Variants in ASXL1 observed in about 807,000 individuals in gnomAD.
ASXL1 encodes the protein ASXL transcriptional regulator 1.
In ASXL1, 65 loss-of-function variants were observed where a neutral mutation model predicts 89.1. That is an observed-to-expected ratio of 0.73 (90% CI 0.60 to 0.90). ASXL1 has a LOEUF of 0.90. Among genes scored for constraint, ASXL1 ranks in the 40% least tolerant of loss-of-function variants. ASXL1 has a pLI of 0.00. For synonymous variants in ASXL1, 739 were observed against 746.9 expected (o/e 0.99, Z 0.17); for missense variants, 1,786 against 1,942.9 (o/e 0.92, Z 1.52).
intron 1 of ASXL1, among the ~76,000 whole-genome samples, chr20:32,362,529 G>T (rs185885597): frequency 1.4e-3 from 214 of 152,280 alleles, no homozygotes; most frequent in African/African-American, 4.9e-3. Context: ...CCAGCTACTC[G>T]GGAGGCTGAG....
chr20:32,421,459 A>T (rs754308890), intron 4 of ASXL1, among the ~76,000 whole-genome samples: 18 of 149,762 alleles, frequency 1.2e-4, no homozygotes, highest in Non-Finnish European at 2.1e-4. Flanking sequence ...TGGGAGTATA[A>T]TTTTTTTTTT....
chr20:32,414,794 C>T (rs1024972119), intron 4 of ASXL1, among the ~76,000 whole-genome samples: 6 of 152,042 alleles, frequency 3.9e-5, no homozygotes, highest in Non-Finnish European at 7.4e-5. Flanking sequence ...TTTAGGGGAT[C>T]CTCCTGTTAT....
chr20:32,406,286 AC>A (rs1220080605), intron 4 of ASXL1, among the ~76,000 whole-genome samples: 2 of 151,862 alleles, frequency 1.3e-5, no homozygotes, highest in African/African-American at 4.8e-5. Flanking sequence ...AGTGGCTTAC[AC>A]CTGTAATCCC....
chr20:32,427,023 T>TGA (rs2011331816), intron 4 of ASXL1: 1 of 152,148 alleles, frequency 6.6e-6, no homozygotes, highest in South Asian at 2.1e-4. Context: ...AATCATGACT[T>TGA]TATCAACTCT....
intron 4 of ASXL1, among the ~76,000 whole-genome samples, chr20:32,395,328 T>C (rs961920457): frequency 2.0e-5 from 3 of 152,214 alleles, no homozygotes; most frequent in African/African-American, 7.2e-5. Context: ...AAGATGTTGC[T>C]CCACTGTCTC....
At chr20:32,384,547 T>G (rs976278046) in intron 4 of ASXL1, among the ~76,000 whole-genome samples, 2 of 152,198 alleles carry the variant, frequency 1.3e-5, no homozygotes, top group African/African-American at 4.8e-5. Context: ...AAAAGGTTCC[T>G]TCTTTGACTA....
rs1418949221 is a variant in ASXL1 at position 32,435,495 on chromosome 20, A to G, written c.2783A>G (p.Glu928Gly). The G allele has an allele frequency of 6.2e-7, 1 of 1,614,044 alleles. No individual in the cohort carries two copies. Among genetic ancestry groups the G allele is most frequent in the Non-Finnish European group, 8.5e-7 (1 of 1,180,028 alleles). Residue 928 changes from glutamate (E) to glycine (G), a missense_variant, in exon 13 of 13, where the codon GAG becomes GGG. Physicochemically the swap from Glu to Gly is moderately conservative, Grantham distance 98. Coordinates refer to ENST00000375687, the MANE Select transcript of ASXL1 (RefSeq NM_015338.6). ...CCATCTGTTGAGCCCCAGGTTGGAG[A>G]GGAGTGGGAGAAAGCTGCTCCCACC... ...HIPSVEPQVG[E>G]EWEKAAPTPP...
In ASXL1 at chr20:32,432,764, A is replaced by G. The variant is rs6057580; in HGVS notation, c.980-116A>G. The G allele has an allele frequency of 1.7e-3, 2,102 of 1,270,226 alleles. 22 individuals carry two copies. The African/African-American group carries it at 0.023, about 14-fold the overall frequency. 78.7% of individuals were successfully genotyped at this position (1,270,226 alleles called of 1,614,324 possible). A position where few individuals can be genotyped will look rare whatever the true frequency, so the allele number is the denominator to read the frequency against. On this transcript the variant is annotated intron_variant, in intron 10 of 12. Transcript: ENST00000375687. ...TTAGCTCTGTCCCTATAAGAGCATG[A>G]TGTGAGAGAGCCTTTAGAAGAGACG...
chr20:32,414,339 A>T, intron 4 of ASXL1, among the ~76,000 whole-genome samples: 1 of 148,030 alleles, frequency 6.8e-6, no homozygotes. Flanking sequence ...TCTCTAGGAG[A>T]TAATCTGTTG....
At chr20:32,362,403 G>T (rs572518739) in intron 1 of ASXL1, among the ~76,000 whole-genome samples, 1 of 152,304 alleles carries the variant, frequency 6.6e-6, no homozygotes, top group East Asian at 1.9e-4. Context: ...TTGGGAGGCC[G>T]AGGCGGGCGG....
intron 4 of ASXL1, among the ~76,000 whole-genome samples, chr20:32,369,862 A>G (rs1267224588): frequency 6.6e-6 from 1 of 150,920 alleles, no homozygotes; most frequent in Non-Finnish European, 1.5e-5. Context: ...CTGAGTAGCT[A>G]AGAGTGCACT....
intron 1 of ASXL1, chr20:32,359,747 A>G: frequency 1.4e-6 from 1 of 718,096 alleles, no homozygotes; most frequent in Non-Finnish European, 2.6e-6. Context: ...CGTTCAACCG[A>G]TGGGGGTTGT....
At chr20:32,410,487 ATAAC>A (rs1361874892) in intron 4 of ASXL1, among the ~76,000 whole-genome samples, 1 of 152,172 alleles carries the variant, frequency 6.6e-6, no homozygotes, top group South Asian at 2.1e-4. Flanking sequence ...AATAACAACA[ATAAC>A]TAAGAATAAA....
At position 32,438,729 on chromosome 20, in the gene ASXL1, G is replaced by T; in HGVS notation, c.*1391G>T. 4.3e-6 allele frequency: 1 copy of T among 233,694 alleles called. No individual in the cohort carries two copies. The allele number at this position is 233,694 out of a possible 1,614,324, so 14.5% of individuals were successfully genotyped here. Reference sequence around the variant, plus strand: ...AAGGCCTTCCAGATCTGGCTCCAGGGTCACCACCTGTCACAGCAATACCTG... The same window carrying T: ...AAGGCCTTCCAGATCTGGCTCCAGGTTCACCACCTGTCACAGCAATACCTG... On this transcript the variant is annotated 3_prime_UTR_variant, in exon 13 of 13. Coordinates refer to ENST00000375687, the MANE Select transcript of ASXL1 (RefSeq NM_015338.6).
chr20:32,366,036 C>T (rs1293954456), intron 1 of ASXL1, among the ~76,000 whole-genome samples: 1 of 152,062 alleles, frequency 6.6e-6, no homozygotes, highest in Non-Finnish European at 1.5e-5. Context: ...AATGTGAATG[C>T]ATTTCTGTGT....
At position 32,394,497 on chromosome 20, in the gene ASXL1, T is replaced by C. The variant is rs560427677; in HGVS notation, c.252+25374T>C. Among the ~76,000 whole-genome samples, 9 of 152,312 alleles carry C rather than the reference T, an allele frequency of 5.9e-5. No homozygotes were observed. The South Asian group carries it at 1.9e-3, about 32-fold the overall frequency. ...GTCCTTTCTTGGCTCATTAGTACTT[T>C]GTTATTTTAGTGGCTGCTTTAGTGT... On this transcript the variant is annotated intron_variant, in intron 4 of 12. Coordinates refer to ENST00000375687, the MANE Select transcript of ASXL1 (RefSeq NM_015338.6).
chr20:32,416,228 A>G (rs1469125170), intron 4 of ASXL1, among the ~76,000 whole-genome samples: 1 of 152,222 alleles, frequency 6.6e-6, no homozygotes, highest in East Asian at 1.9e-4. Flanking sequence ...ATTGTTTACT[A>G]TAATTTTCCT....
chr20:32,432,504 A>C (rs1037590942), intron 10 of ASXL1: 2 of 308,926 alleles, frequency 6.5e-6, no homozygotes, highest in Non-Finnish European at 1.2e-5. Flanking sequence ...TGAACAACTC[A>C]TATCAGTTAG....
At chr20:32,394,064 G>A (rs890522586) in intron 4 of ASXL1, among the ~76,000 whole-genome samples, 24 of 148,002 alleles carry the variant, frequency 1.6e-4, no homozygotes, top group Admixed American at 8.2e-4. Context: ...GTGCAGTGGC[G>A]CGATCTCGGC....
Sources: allele counts gnomAD v4.1 joint callset (sites outside exome capture counted in the v4.1 genomes callset), GRCh38; gene constraint gnomAD v4.1.1; transcripts MANE v1.5; gene names NCBI Gene and HGNC (gene_info 2026-07-23, HGNC 2026-07-21).